ILRUN: variants seen among roughly 807,000 people sequenced by gnomAD.
The protein encoded by ILRUN is inflammation and lipid regulator with UBA-like and NBR1-like domains, also known as protein ILRUN.
Under a neutral mutation model 33.8 loss-of-function variants are expected in ILRUN, and 3 were observed. That is an observed-to-expected ratio of 0.09 (90% CI 0.04 to 0.23). The LOEUF (loss-of-function observed/expected upper bound fraction) is 0.23, where lower values mean the gene tolerates loss of function less well. Among genes scored for constraint, ILRUN ranks in the 10% least tolerant of loss-of-function variants. The pLI is 1.00. For synonymous variants in ILRUN, 124 were observed against 138.9 expected (o/e 0.89, Z 0.75); for missense variants, 210 against 375.1 (o/e 0.56, Z 3.64).
At chr6:34,692,137 T>C (rs188160559) in intron 1 of ILRUN, among the ~76,000 whole-genome samples, 2 of 152,214 alleles carry the variant, frequency 1.3e-5, no homozygotes, top group East Asian at 3.9e-4. Context: ...CTAATTTTTT[T>C]ATTTTTGTAG....
intron 1 of ILRUN, among the ~76,000 whole-genome samples, chr6:34,674,723 G>A (rs1315371652): frequency 2.0e-5 from 3 of 152,060 alleles, no homozygotes; most frequent in Non-Finnish European, 4.4e-5. Flanking sequence ...ATTAAATAAG[G>A]AAATGTACTT....
intron 3 of ILRUN, among the ~76,000 whole-genome samples, chr6:34,623,403 C>T (rs962871369): frequency 6.6e-6 from 1 of 152,150 alleles, no homozygotes; most frequent in African/African-American, 2.4e-5. Context: ...TCCCACCCCA[C>T]CCCTGGTCAG....
intron 1 of ILRUN, 43 bp downstream of exon 1, chr6:34,696,403 C>T (rs1187570263): frequency 1.3e-6 from 2 of 1,531,218 alleles, no homozygotes; most frequent in Admixed American, 2.0e-5. Context: ...CCCTCGGGGC[C>T]CCCGAGGCCG....
At chr6:34,612,455 C>T (rs999321217) in intron 3 of ILRUN, among the ~76,000 whole-genome samples, 3 of 151,998 alleles carry the variant, frequency 2.0e-5, no homozygotes, top group Non-Finnish European at 4.4e-5. Context: ...GGAGACAGAA[C>T]ATTAGAGCTA....
chr6:34,678,983 G>C (rs1479403487), intron 1 of ILRUN, among the ~76,000 whole-genome samples: 1 of 151,502 alleles, frequency 6.6e-6, no homozygotes, highest in Admixed American at 6.6e-5. Flanking sequence ...GTACTCATGA[G>C]AAATGACAAA....
chr6:34,656,350 C>T (rs571507672), intron 1 of ILRUN, among the ~76,000 whole-genome samples: 4 of 152,074 alleles, frequency 2.6e-5, no homozygotes, highest in Admixed American at 6.5e-5. Context: ...GAAGGAACTA[C>T]GAAGCACCTA....
chr6:34,666,716 A>G (rs941631626), intron 1 of ILRUN, among the ~76,000 whole-genome samples: 1 of 152,172 alleles, frequency 6.6e-6, no homozygotes, highest in African/African-American at 2.4e-5. Flanking sequence ...TAAATATGTG[A>G]CATGTGAGAG....
intron 4 of ILRUN, among the ~76,000 whole-genome samples, chr6:34,602,833 A>G (rs532491262): frequency 6.6e-6 from 1 of 152,272 alleles, no homozygotes; most frequent in African/African-American, 2.4e-5. Flanking sequence ...TGTGGGATGC[A>G]GCTAGGGCAG....
At chr6:34,642,208 G>A (rs1263683399) in intron 3 of ILRUN, among the ~76,000 whole-genome samples, 1 of 152,190 alleles carries the variant, frequency 6.6e-6, no homozygotes, top group Admixed American at 6.5e-5. Context: ...CGCTGGAGAT[G>A]CCCATAGCAG....
chr6:34,630,517 G>A (rs756647615), intron 3 of ILRUN, among the ~76,000 whole-genome samples: 77 of 152,138 alleles, frequency 5.1e-4, no homozygotes, highest in Non-Finnish European at 1.0e-3. Flanking sequence ...CCGAGTAGCT[G>A]GGTCTACAGG....
chr6:34,672,125 T>G (rs1486357063), intron 1 of ILRUN, among the ~76,000 whole-genome samples: 1 of 151,492 alleles, frequency 6.6e-6, no homozygotes, highest in Non-Finnish European at 1.5e-5. Context: ...TTTTTTGAGA[T>G]GGAGTCTCGC....
intron 2 of ILRUN, among the ~76,000 whole-genome samples, chr6:34,650,327 A>C (rs1762634914): frequency 6.6e-6 from 1 of 152,126 alleles, no homozygotes; most frequent in Non-Finnish European, 1.5e-5. Context: ...CATCTATGTT[A>C]TTAGATATCT....
intron 2 of ILRUN, among the ~76,000 whole-genome samples, chr6:34,652,948 C>A (rs1762697926): frequency 6.6e-6 from 1 of 151,618 alleles, no homozygotes; most frequent in African/African-American, 2.4e-5. Flanking sequence ...GTGAGCCCAG[C>A]CCGAGCAACA....
intron 1 of ILRUN, among the ~76,000 whole-genome samples, chr6:34,662,273 T>C (rs1038285439): frequency 7.1e-6 from 1 of 141,514 alleles, no homozygotes; most frequent in Non-Finnish European, 1.5e-5. Flanking sequence ...GCCACTGCAC[T>C]CCAGCCTGGG....
intron 2 of ILRUN, among the ~76,000 whole-genome samples, chr6:34,651,664 C>T (rs867840347): frequency 6.6e-6 from 1 of 150,764 alleles, no homozygotes; most frequent in East Asian, 1.9e-4. Flanking sequence ...AAACAAGGTA[C>T]TGACTTCACT....
chr6:34,626,883 T>A (rs1006461772), intron 3 of ILRUN, among the ~76,000 whole-genome samples: 7 of 151,928 alleles, frequency 4.6e-5, no homozygotes, highest in African/African-American at 1.5e-4. Context: ...TGCGCACTTG[T>A]AATCCCAGCT....
intron 3 of ILRUN, among the ~76,000 whole-genome samples, chr6:34,635,678 G>A (rs563342541): frequency 4.1e-5 from 6 of 148,134 alleles, no homozygotes; most frequent in African/African-American, 1.5e-4. Context: ...GCAATGGCGC[G>A]ATTTCGCCTC....
At chr6:34,615,580 A>G (rs1761870143) in intron 3 of ILRUN, among the ~76,000 whole-genome samples, 4 of 152,208 alleles carry the variant, frequency 2.6e-5, no homozygotes, top group South Asian at 4.1e-4. Flanking sequence ...TGGGACACAG[A>G]GCGAGACTCC....
intron 2 of ILRUN, among the ~76,000 whole-genome samples, chr6:34,653,132 CAAA>C (rs947213125): frequency 5.8e-5 from 3 of 51,574 alleles, no homozygotes; most frequent in Non-Finnish European, 1.3e-4. Context: ...GACCTTGTCT[CAAA>C]AAAAAAAAAA....
Sources: allele counts gnomAD v4.1 joint callset (sites outside exome capture counted in the v4.1 genomes callset), GRCh38; gene constraint gnomAD v4.1.1; transcripts MANE v1.5; gene names NCBI Gene and HGNC (gene_info 2026-07-23, HGNC 2026-07-21).